RPS6KA6: variants seen among roughly 807,000 people sequenced by gnomAD.
RPS6KA6 encodes the protein ribosomal protein S6 kinase alpha-6.
RPS6KA6 carries 27 observed loss-of-function variants against 65.4 expected under a neutral mutation model. That is an observed-to-expected ratio of 0.41 (90% CI 0.30 to 0.57). RPS6KA6 has a LOEUF of 0.57. RPS6KA6 is among the 20% of genes least tolerant of loss of function. RPS6KA6 has a pLI of 0.24. For missense variants in RPS6KA6, 486 were observed against 555.6 expected (o/e 0.87, Z 1.26); for synonymous variants, 190 against 184.2 (o/e 1.03, Z -0.26).
At chrX:84,119,540 G>A (rs1001507903) in intron 9 of RPS6KA6, among the ~76,000 whole-genome samples, 2 of 111,397 alleles carry the variant, frequency 1.8e-5, no homozygotes, top group African/African-American at 6.5e-5. Flanking sequence ...ACACTATATG[G>A]TAAGGTGCTA....
In RPS6KA6 at chrX:84,062,430, G is replaced by A. The variant is rs1417157600; in HGVS notation, c.*1847C>T. 1 of 110,478 alleles carries A rather than the reference G, an allele frequency of 9.1e-6. No homozygotes were observed. Among genetic ancestry groups the A allele is most frequent in the Admixed American group, 9.7e-5 (1 of 10,304 alleles). The allele number at this position is 110,478 out of a possible 1,213,427, so 9.1% of individuals were successfully genotyped here. On this transcript the variant is annotated 3_prime_UTR_variant, in exon 22 of 22. Transcript: ENST00000262752. ...ATAACAGCACTAGATAATGACAGAA[G>A]GAAAATAAGTCAGAATATATGCTTA...
At chrX:84,088,310 T>C in intron 20 of RPS6KA6, among the ~76,000 whole-genome samples, 1 of 112,239 alleles carries the variant, frequency 8.9e-6, no homozygotes, top group Non-Finnish European at 1.9e-5. Context: ...GGTGTCTTTT[T>C]CGTTGGTGCT....
At chrX:84,143,393 C>T (rs974802379) in intron 6 of RPS6KA6, among the ~76,000 whole-genome samples, 9 of 110,823 alleles carry the variant, frequency 8.1e-5, no homozygotes, top group Non-Finnish European at 1.5e-4. Flanking sequence ...CACAAAAAAT[C>T]GGTTGTGTTT....
At chrX:84,088,505 T>C (rs903201949) in intron 20 of RPS6KA6, among the ~76,000 whole-genome samples, 1 of 111,531 alleles carries the variant, frequency 9.0e-6, no homozygotes, top group Non-Finnish European at 1.9e-5. Context: ...ACTCTGGGAG[T>C]TCTGTCCCAG....
chrX:84,075,991 G>T (rs770797471), intron 20 of RPS6KA6, among the ~76,000 whole-genome samples: 3 of 111,853 alleles, frequency 2.7e-5, no homozygotes, highest in Non-Finnish European at 5.6e-5. Context: ...CATCAGTATA[G>T]ATTACAGTGG....
Position 84,065,119 on chromosome X carries a change from A to T in RPS6KA6, c.1972-8T>A, listed in dbSNP as rs377230677. 45 of 1,127,889 alleles carry T rather than the reference A, an allele frequency of 4.0e-5. No homozygotes were observed. The highest frequency in any genetic ancestry group is 4.9e-4 in the Middle Eastern group (2 of 4,115). The allele number at this position is 1,127,889 out of a possible 1,213,427, so 93.0% of individuals were successfully genotyped here. ...CATATGGGAAAGCAAATCCTAAATT[A>T]AAAAAAATGTGTGTGTATATATATA... On this transcript the variant is annotated splice_region_variant and splice_polypyrimidine_tract_variant and intron_variant, in intron 20 of 21. Transcript: ENST00000262752.
intron 8 of RPS6KA6, among the ~76,000 whole-genome samples, chrX:84,129,443 T>C (rs966343050): frequency 9.0e-6 from 1 of 111,152 alleles, no homozygotes; most frequent in Non-Finnish European, 1.9e-5. Context: ...TGGAGGTTCC[T>C]CAAAAAAAAC....
chrX:84,181,891 T>C (rs967680322), intron 1 of RPS6KA6, among the ~76,000 whole-genome samples: 3 of 111,229 alleles, frequency 2.7e-5, no homozygotes, highest in Non-Finnish European at 5.7e-5. Context: ...ACCCTTTTCA[T>C]ATATCTCCTA....
intron 20 of RPS6KA6, among the ~76,000 whole-genome samples, chrX:84,078,789 T>C (rs775242418): frequency 2.2e-4 from 25 of 111,192 alleles, no homozygotes; most frequent in Admixed American, 1.4e-3. Context: ...AGATTATAAA[T>C]TGAAGATATA....
chrX:84,182,757 A>G (rs904043105), intron 1 of RPS6KA6, among the ~76,000 whole-genome samples: 4 of 111,973 alleles, frequency 3.6e-5, no homozygotes, highest in Non-Finnish European at 7.5e-5. Context: ...GGGAGGGGCC[A>G]CTGCCCTCTG....
chrX:84,150,104 C>G (rs923180463), intron 3 of RPS6KA6, among the ~76,000 whole-genome samples: 25 of 111,633 alleles, frequency 2.2e-4, no homozygotes, highest in African/African-American at 7.8e-4. Flanking sequence ...CATGAGCCAA[C>G]CCCTGCTGGC....
chrX:84,125,837 G>A (rs1219912108), intron 8 of RPS6KA6, among the ~76,000 whole-genome samples: 1 of 110,452 alleles, frequency 9.1e-6, no homozygotes, highest in African/African-American at 3.3e-5. Context: ...CTGGGCGACA[G>A]AGCAAGACTC....
chrX:84,179,170 A>T (rs2035811364), intron 1 of RPS6KA6, among the ~76,000 whole-genome samples: 1 of 111,498 alleles, frequency 9.0e-6, no homozygotes, highest in African/African-American at 3.3e-5. Context: ...TATGCTTAGC[A>T]ACATGTGTCA....
intron 2 of RPS6KA6, among the ~76,000 whole-genome samples, chrX:84,161,294 A>C: frequency 9.0e-6 from 1 of 111,511 alleles, no homozygotes; most frequent in Middle Eastern, 4.6e-3. Context: ...GAAACTCATA[A>C]GTTGAACCAT....
chrX:84,129,555 G>C (rs751394424), intron 8 of RPS6KA6, among the ~76,000 whole-genome samples: 1 of 111,555 alleles, frequency 9.0e-6, no homozygotes. Context: ...TCCCATGTTT[G>C]CTGCAGCACT....
chrX:84,104,917 A>G (rs1293376081), intron 16 of RPS6KA6, among the ~76,000 whole-genome samples: 1 of 110,565 alleles, frequency 9.0e-6, no homozygotes, highest in Non-Finnish European at 1.9e-5. Context: ...GCAGTTCATC[A>G]AAGAAAGAAA....
chrX:84,100,899 T>A (rs1387989202), intron 18 of RPS6KA6, among the ~76,000 whole-genome samples: 2 of 110,976 alleles, frequency 1.8e-5, no homozygotes, highest in Non-Finnish European at 3.8e-5. Flanking sequence ...TTCTTCAATA[T>A]CAGTATAGTA....
At chrX:84,173,951 A>G (rs1471762139) in intron 1 of RPS6KA6, among the ~76,000 whole-genome samples, 1 of 112,489 alleles carries the variant, frequency 8.9e-6, no homozygotes, top group Non-Finnish European at 1.9e-5. Context: ...CATACTCATG[A>G]ACATACTCTT....
chrX:84,108,117 A>C (rs1459160021), intron 12 of RPS6KA6, among the ~76,000 whole-genome samples: 2 of 112,138 alleles, frequency 1.8e-5, no homozygotes, highest in Admixed American at 1.9e-4. Flanking sequence ...TATACGTTAA[A>C]TGTACTGTTT....
Sources: allele counts gnomAD v4.1 joint callset (sites outside exome capture counted in the v4.1 genomes callset), GRCh38; gene constraint gnomAD v4.1.1; transcripts MANE v1.5; gene names NCBI Gene and HGNC (gene_info 2026-07-23, HGNC 2026-07-21).